Variants in SGCZ observed in about 807,000 individuals in gnomAD.
SGCZ encodes the protein sarcoglycan zeta.
In SGCZ, 40 loss-of-function variants were observed where a neutral mutation model predicts 41.3. That is an observed-to-expected ratio of 0.97 (90% confidence interval 0.75 to 1.26). The LOEUF is 1.26. Ranked by LOEUF, SGCZ falls within the 50% of genes most tolerant of loss-of-function variation. The pLI, the probability that SGCZ is intolerant of heterozygous loss-of-function variation, is 0.00. For missense variants in SGCZ, 552 were observed against 369.8 expected, an observed-to-expected ratio of 1.49 and a Z score of -4.04; for synonymous variants, 206 against 137.5, an observed-to-expected ratio of 1.50 and a Z score of -3.49.
intron 1 of SGCZ, among the ~76,000 whole-genome samples, chr8:14,967,957 G>A (rs1403961237): frequency 2.0e-5 from 3 of 152,072 alleles, no homozygotes; most frequent in Non-Finnish European, 4.4e-5. Flanking sequence ...CACATATAAA[G>A]TGTTCAGTAA....
At chr8:15,135,928 T>C (rs192852452) in intron 1 of SGCZ, among the ~76,000 whole-genome samples, 67 of 152,328 alleles carry the variant, frequency 4.4e-4, no homozygotes, top group Non-Finnish European at 8.4e-4. Flanking sequence ...TATTTATACC[T>C]ACTTTTAATT....
intron 4 of SGCZ, among the ~76,000 whole-genome samples, chr8:14,229,661 A>C (rs1427600636): frequency 6.6e-6 from 1 of 151,474 alleles, no homozygotes; most frequent in Admixed American, 6.6e-5. Context: ...AAAAAAAAAA[A>C]AAGAGTCAAT....
At chr8:14,708,115 T>C (rs969792914) in intron 1 of SGCZ, among the ~76,000 whole-genome samples, 1 of 152,012 alleles carries the variant, frequency 6.6e-6, no homozygotes, top group Non-Finnish European at 1.5e-5. Flanking sequence ...TTTCTATAAA[T>C]TCAAATTTAA....
At chr8:14,776,171 G>C (rs1800394951) in intron 1 of SGCZ, among the ~76,000 whole-genome samples, 2 of 152,112 alleles carry the variant, frequency 1.3e-5, no homozygotes, top group Admixed American at 6.5e-5. Context: ...TTTTAAGTTT[G>C]CTCTTTGATA....
chr8:14,993,280 T>A (rs1802088372), intron 1 of SGCZ, among the ~76,000 whole-genome samples: 1 of 152,146 alleles, frequency 6.6e-6, no homozygotes, highest in Non-Finnish European at 1.5e-5. Context: ...TACTGCTGTA[T>A]AAAATGTTCC....
At chr8:14,362,279 C>T (rs1027759749) in intron 2 of SGCZ, among the ~76,000 whole-genome samples, 2 of 152,186 alleles carry the variant, frequency 1.3e-5, no homozygotes, top group African/African-American at 2.4e-5. Context: ...GCCCTGCCCC[C>T]GGAGGTGGAA....
chr8:14,630,446 C>G (rs953688642), intron 1 of SGCZ, among the ~76,000 whole-genome samples: 2 of 151,984 alleles, frequency 1.3e-5, no homozygotes, highest in African/African-American at 4.8e-5. Context: ...AGTTCAACCA[C>G]TGTGGAAGAC....
In SGCZ at chr8:14,478,074, T is replaced by C. The variant is rs1585567962; in HGVS notation, c.234+76658A>G. Among the ~76,000 whole-genome samples, 3 of 152,224 alleles carry C rather than the reference T, an allele frequency of 2.0e-5. No homozygotes were observed. The East Asian group carries it at 5.8e-4, about 29-fold the overall frequency. On this transcript the variant is annotated intron_variant, in intron 2 of 7. Coordinates refer to ENST00000382080, the MANE Select transcript of SGCZ (RefSeq NM_139167.4). Reference sequence around the variant, plus strand: ...AAATTCTGGTGAGGATACTGGACAATGTGCATCCTCATTCACTGCAGAAAT... The same window carrying C: ...AAATTCTGGTGAGGATACTGGACAACGTGCATCCTCATTCACTGCAGAAAT...
intron 1 of SGCZ, among the ~76,000 whole-genome samples, chr8:14,884,934 C>A (rs1804732891): frequency 1.3e-5 from 2 of 152,106 alleles, no homozygotes; most frequent in Admixed American, 1.3e-4. Flanking sequence ...CCCTCTCTCT[C>A]AGCTGTGACT....
rs76857208 is a variant in SGCZ, at chr8:14,110,834, C to G, written c.548-2599G>C. 2.4e-3 allele frequency among the ~76,000 whole-genome samples: 366 copies of G among 152,218 alleles called. 2 individuals are homozygous for G. The highest frequency in any genetic ancestry group is 8.3e-3 in the African/African-American group (343 of 41,530). The stretch of plus-strand genomic sequence containing the variant: ...TTAGGAGGACGAAGCAGGCAGATCA[C>G]TTGAGGGCAGGAGTTCCAGATCAGC... On this transcript the variant is annotated intron_variant, in intron 5 of 7. Transcript: ENST00000382080.
At chr8:15,066,760 C>T (rs1414234469) in intron 1 of SGCZ, among the ~76,000 whole-genome samples, 1 of 152,134 alleles carries the variant, frequency 6.6e-6, no homozygotes, top group African/African-American at 2.4e-5. Flanking sequence ...TCATAACTCT[C>T]GAATTCTGCC....
At chr8:15,237,171 G>C (rs1317322887) in intron 1 of SGCZ, among the ~76,000 whole-genome samples, 2 of 152,192 alleles carry the variant, frequency 1.3e-5, no homozygotes, top group Non-Finnish European at 2.9e-5. Flanking sequence ...GATCGGAGCC[G>C]GGAAGAGGAG....
At chr8:14,366,053 G>A (rs970167650) in intron 2 of SGCZ, among the ~76,000 whole-genome samples, 2 of 151,942 alleles carry the variant, frequency 1.3e-5, no homozygotes, top group African/African-American at 4.8e-5. Context: ...TGCATCTTGA[G>A]TTGGAAACTT....
chr8:14,520,474 C>A (rs1266274524), intron 2 of SGCZ, among the ~76,000 whole-genome samples: 8 of 152,122 alleles, frequency 5.3e-5, no homozygotes, highest in African/African-American at 1.7e-4. Flanking sequence ...TATCTCTTGG[C>A]ATACTGCTGG....
chr8:14,950,130 A>T (rs1418269529), intron 1 of SGCZ, among the ~76,000 whole-genome samples: 1 of 152,068 alleles, frequency 6.6e-6, no homozygotes, highest in Non-Finnish European at 1.5e-5. Context: ...CTCCAGGGGT[A>T]GTGTATTTTC....
At chr8:14,736,373 C>G (rs926860686) in intron 1 of SGCZ, among the ~76,000 whole-genome samples, 1 of 151,916 alleles carries the variant, frequency 6.6e-6, no homozygotes, top group African/African-American at 2.4e-5. Flanking sequence ...TTTTATTAGT[C>G]GTTAGTTGTT....
At chr8:14,284,572 T>C (rs944370996) in intron 3 of SGCZ, among the ~76,000 whole-genome samples, 32 of 152,336 alleles carry the variant, frequency 2.1e-4, no homozygotes, top group African/African-American at 7.7e-4. Flanking sequence ...ATAATCTTTG[T>C]CTTCTAATTG....
At chr8:15,167,723 CTT>C (rs1237628554) in intron 1 of SGCZ, among the ~76,000 whole-genome samples, 2 of 151,934 alleles carry the variant, frequency 1.3e-5, no homozygotes, top group African/African-American at 2.4e-5. Flanking sequence ...ATATTTCAAA[CTT>C]ATATATTTGT....
intron 1 of SGCZ, among the ~76,000 whole-genome samples, chr8:15,001,621 C>T (rs1366710841): frequency 1.3e-5 from 2 of 148,554 alleles, no homozygotes; most frequent in African/African-American, 2.5e-5. Context: ...TCCAGCTACT[C>T]GGGAGGCTGA....
Sources: gnomAD v4.1 joint callset for allele counts (sites outside exome capture counted in the v4.1 genomes callset) on GRCh38, gnomAD v4.1.1 for gene constraint, MANE v1.5 for transcripts, NCBI Gene and HGNC (gene_info 2026-07-23, HGNC 2026-07-21) for gene names.